LDB2: variants seen among roughly 807,000 people sequenced by gnomAD.
LDB2 encodes the protein LIM domain-binding protein 2.
In LDB2, 12 loss-of-function variants were observed where a neutral mutation model predicts 44.3. That is an observed-to-expected ratio of 0.27 (90% CI 0.17 to 0.44). LDB2 has a LOEUF of 0.44. Among genes scored for constraint, LDB2 ranks in the 20% least tolerant of loss-of-function variants. LDB2 has a pLI of 1.00. For synonymous variants in LDB2, 164 were observed against 174.8 expected (o/e 0.94, Z 0.49); for missense variants, 344 against 473.5 (o/e 0.73, Z 2.54).
chr4:16,821,746 C>CAAAAAAAAAAAAAAAAAAAAAAAAAAAA (rs562184189), intron 1 of LDB2, among the ~76,000 whole-genome samples: 17 of 61,738 alleles, frequency 2.8e-4, no homozygotes, highest in African/African-American at 3.2e-4. Context: ...AACATTAAAG[C>CAAAAAAAAAAAAAAAAAAAAAAAAAAAA]AAAAAAAAAA....
intron 5 of LDB2, among the ~76,000 whole-genome samples, chr4:16,517,370 T>G (rs986885078): frequency 6.6e-6 from 1 of 152,168 alleles, no homozygotes; most frequent in African/African-American, 2.4e-5. Context: ...ACCAGTCAAA[T>G]GCACATTATA....
chr4:16,735,350 C>T lies in LDB2; in HGVS notation c.235+23808G>A, dbSNP rs569959255. ...CCTGGGGCAGGCTGCGTTCTCCTCC[C>T]TTCTGCTTGTCTGTTTTCAAATCAA... On this transcript the variant is annotated intron_variant, in intron 2 of 7. Coordinates refer to ENST00000304523, the MANE Select transcript of LDB2 (RefSeq NM_001290.5). Among the ~76,000 whole-genome samples the T allele has an allele frequency of 1.6e-4, 24 of 152,102 alleles. No individual in the cohort carries two copies. In the South Asian group the frequency reaches 1.7e-3, roughly 11 times the overall value.
intron 2 of LDB2, among the ~76,000 whole-genome samples, chr4:16,607,055 G>C (rs1424382568): frequency 6.6e-6 from 1 of 152,132 alleles, no homozygotes; most frequent in Non-Finnish European, 1.5e-5. Flanking sequence ...CTTTCCTCAG[G>C]GTTGGATATT....
intron 5 of LDB2, among the ~76,000 whole-genome samples, chr4:16,563,568 C>G (rs918266993): frequency 6.7e-6 from 1 of 150,230 alleles, no homozygotes; most frequent in Non-Finnish European, 1.5e-5. Context: ...CCTGCCTCAG[C>G]CTCCCGAGTA....
intron 1 of LDB2, among the ~76,000 whole-genome samples, chr4:16,818,071 G>A (rs1448322600): frequency 6.6e-6 from 1 of 152,140 alleles, no homozygotes; most frequent in East Asian, 1.9e-4. Context: ...CTGATGGGAG[G>A]AGGGTGGCTG....
chr4:16,597,030 G>A (rs996583303), intron 2 of LDB2, among the ~76,000 whole-genome samples: 1 of 152,090 alleles, frequency 6.6e-6, no homozygotes, highest in African/African-American at 2.4e-5. Context: ...AACTACCAAA[G>A]AAAGCTTTAG....
chr4:16,511,993 C>G lies in LDB2; in HGVS notation c.727G>C (p.Val243Leu). Reference sequence around the variant, plus strand: ...AATGAGGGTGTACCTGGCGGAGCCACCATCCTCTGCCACTTCTGAAACAAG... The same window carrying G: ...AATGAGGGTGTACCTGGCGGAGCCAGCATCCTCTGCCACTTCTGAAACAAG... ...TCLFQKWQRMVAPPAEPTRQP... is the reference protein window; with the variant it reads ...TCLFQKWQRMLAPPAEPTRQP... Residue 243 changes from valine to leucine, a missense_variant, in exon 6 of 8, where the codon GTG becomes CTG. By Grantham distance (32) the Val-to-Leu change is conservative. Transcript: ENST00000304523. The G allele has an allele frequency of 6.2e-7, 1 of 1,613,124 alleles. No homozygotes were observed. The highest frequency in any genetic ancestry group is 8.5e-7 in the Non-Finnish European group (1 of 1,179,472).
chr4:16,533,410 T>C lies in LDB2; in HGVS notation c.616-21306A>G, dbSNP rs1310625242. Among the ~76,000 whole-genome samples the C allele has an allele frequency of 6.6e-6, 1 of 151,954 alleles. No individual in the cohort carries two copies. Among genetic ancestry groups the C allele is most frequent in the Non-Finnish European group, 1.5e-5 (1 of 67,974 alleles). ...TACAAAGCAAAATCACATCTGCAAGTATCTACACATACAAGAAATCGCAAA... is the reference window on the plus strand; with the variant it reads ...TACAAAGCAAAATCACATCTGCAAGCATCTACACATACAAGAAATCGCAAA... On this transcript the variant is annotated intron_variant, in intron 5 of 7. Coordinates refer to ENST00000304523, the MANE Select transcript of LDB2 (RefSeq NM_001290.5). This position sits in a 1 kb window ranked among gnomAD's most constrained non-coding sequence, Gnocchi z 4.1.
At chr4:16,684,800 T>C (rs1055538877) in intron 2 of LDB2, among the ~76,000 whole-genome samples, 2 of 152,216 alleles carry the variant, frequency 1.3e-5, no homozygotes, top group Non-Finnish European at 2.9e-5. Context: ...TAACAAGTAT[T>C]AACTAAAGCA....
chr4:16,670,422 A>C (rs990064152), intron 2 of LDB2, among the ~76,000 whole-genome samples: 23 of 152,238 alleles, frequency 1.5e-4, no homozygotes, highest in African/African-American at 5.5e-4. Context: ...TTAAGTCCCC[A>C]CCACTGGGGT....
chr4:16,560,185 A>C (rs1741501144), intron 5 of LDB2, among the ~76,000 whole-genome samples: 1 of 152,230 alleles, frequency 6.6e-6, no homozygotes, highest in East Asian at 1.9e-4. Flanking sequence ...ACACATTCAA[A>C]AGCTAGCAGA....
rs114549736 is a variant in LDB2 at position 16,889,082 on chromosome 4, C to T, written c.132+9272G>A. Among the ~76,000 whole-genome samples the T allele has an allele frequency of 2.6e-3, 365 of 141,216 alleles. 4 individuals are homozygous for T. Among genetic ancestry groups the T allele is most frequent in the Non-Finnish European group, 3.7e-3 (248 of 67,484 alleles). 92.6% of individuals were successfully genotyped at this position (141,216 alleles called of 152,430 possible). ...CAAATGTCTCTCTCTCTCTCTCTCT[C>T]ACACACATAAACACACACACACACA... On this transcript the variant is annotated intron_variant, in intron 1 of 7. Coordinates refer to ENST00000304523, the MANE Select transcript of LDB2 (RefSeq NM_001290.5).
chr4:16,876,518 T>C (rs1319790153), intron 1 of LDB2, among the ~76,000 whole-genome samples: 1 of 152,254 alleles, frequency 6.6e-6, no homozygotes, highest in African/African-American at 2.4e-5. Context: ...TAAATCCTAA[T>C]GTACATTTCA....
At chr4:16,553,914 T>A (rs1738533851) in intron 5 of LDB2, among the ~76,000 whole-genome samples, 1 of 152,166 alleles carries the variant, frequency 6.6e-6, no homozygotes, top group South Asian at 2.1e-4. Flanking sequence ...AAGTAGGAAT[T>A]CATGCCCACA....
chr4:16,726,590 C>T (rs1759521177), intron 2 of LDB2: 1 of 152,106 alleles, frequency 6.6e-6, no homozygotes, highest in African/African-American at 2.4e-5. Context: ...AGCCAGAAAA[C>T]GTTCATGTGC....
At chr4:16,529,255 GT>G (rs1288189100) in intron 5 of LDB2, among the ~76,000 whole-genome samples, 1 of 152,136 alleles carries the variant, frequency 6.6e-6, no homozygotes, top group Non-Finnish European at 1.5e-5. Flanking sequence ...CCCCATCTTA[GT>G]TTTTATGCCC....
intron 5 of LDB2, among the ~76,000 whole-genome samples, chr4:16,564,805 T>A (rs1005610102): frequency 1.3e-5 from 2 of 152,168 alleles, no homozygotes; most frequent in Non-Finnish European, 2.9e-5. Context: ...TAAGTTCTCA[T>A]AGGAGAATTC....
At chr4:16,605,141 G>C (rs1437874663) in intron 2 of LDB2, among the ~76,000 whole-genome samples, 4 of 152,078 alleles carry the variant, frequency 2.6e-5, no homozygotes, top group African/African-American at 9.7e-5. Flanking sequence ...TCTCTGATTC[G>C]AGTAGGATGA....
At chr4:16,787,672 A>C (rs1673033237) in intron 1 of LDB2, among the ~76,000 whole-genome samples, 1 of 152,156 alleles carries the variant, frequency 6.6e-6, no homozygotes, top group African/African-American at 2.4e-5. Flanking sequence ...AGGGTGTTAC[A>C]ACAGCATATT....
Sources: gnomAD v4.1 joint callset for allele counts (sites outside exome capture counted in the v4.1 genomes callset) on GRCh38, gnomAD v4.1.1 for gene constraint, Gnocchi (gnomAD v3.1) non-coding constraint, MANE v1.5 for transcripts, NCBI Gene and HGNC (gene_info 2026-07-23, HGNC 2026-07-21) for gene names.